The following ORC1 variants were observed in gnomAD, a reference collection of about 807,000 sequenced individuals.
ORC1 encodes origin recognition complex, subunit 1 homolog.
Under a neutral mutation model 98.9 loss-of-function variants are expected in ORC1, and 61 were observed. The observed-to-expected ratio is 0.62, with a 90% CI of 0.50 to 0.76. The LOEUF is 0.76. ORC1 is among the 30% of genes least tolerant of loss of function. ORC1 has a pLI of 0.00. For synonymous variants in ORC1, 385 were observed against 406.9 expected (o/e 0.95, Z 0.65); for missense variants, 979 against 1,072.2 (o/e 0.91, Z 1.21).
chr1:52,402,795 A>G (rs566913707), intron 1 of ORC1, among the ~76,000 whole-genome samples: 11 of 152,284 alleles, frequency 7.2e-5, no homozygotes, highest in African/African-American at 2.4e-4. Flanking sequence ...TCAGGTGGGC[A>G]TGGTGGCAGG....
At chr1:52,396,413 G>A (rs745992964) in intron 4 of ORC1, 49 bp from the exon 5 acceptor site, 14 of 1,611,596 alleles carry the variant, frequency 8.7e-6, no homozygotes, top group Admixed American at 3.3e-5. Context: ...CCCCAAGAGA[G>A]CCAAGGAGTA....
chr1:52,380,651 C>T (rs939925668), intron 14 of ORC1, among the ~76,000 whole-genome samples: 3 of 150,796 alleles, frequency 2.0e-5, no homozygotes, highest in South Asian at 4.2e-4. Flanking sequence ...GCTGAGATCA[C>T]GCCACTGCAC....
At chr1:52,386,145 T>C (rs1457747384) in intron 8 of ORC1, among the ~76,000 whole-genome samples, 196 bp from the exon 9 acceptor site, 19 of 152,188 alleles carry the variant, frequency 1.2e-4, no homozygotes, top group Admixed American at 1.2e-3. Context: ...CGTCCAAATA[T>C]GGTTTCTTTT....
chr1:52,403,225 T>C (rs540199570), intron 1 of ORC1, among the ~76,000 whole-genome samples: 1 of 152,386 alleles, frequency 6.6e-6, no homozygotes, highest in East Asian at 1.9e-4. Flanking sequence ...GTACCCATCG[T>C]GTGCCAGGCA....
At chr1:52,408,110 G>C (rs990478454), upstream of ORC1, among the ~76,000 whole-genome samples, 1 of 151,440 alleles carries the variant, frequency 6.6e-6, no homozygotes, top group Non-Finnish European at 1.5e-5. Flanking sequence ...GCATGGTGGC[G>C]GGCGCCTGTA....
intron 3 of ORC1, 64 bp downstream of exon 3, chr1:52,401,298 C>A (rs937846835): frequency 2.5e-6 from 4 of 1,604,070 alleles, no homozygotes; most frequent in Non-Finnish European, 3.4e-6. Context: ...AAAGAATCCA[C>A]AATCTCCCCA....
At position 52,396,050 on chromosome 1, in the gene ORC1, A is replaced by G. The variant is rs1647377054; in HGVS notation, c.717T>C (p.Leu239=). ...GTGATCCATTCCACAACTTACTGCC[A>G]AGCTCCAGCCTCTTTCTGGCTCTTG... ...LTPRARKRLE[L]GNLGNPQMSQ... is the part of the protein sequence containing the mutation. The change falls in exon 5 of 17, where the codon CTT becomes CTC. Residue 239 remains leucine (L), a synonymous_variant. Transcript: ENST00000371568. 6.2e-7 allele frequency: 1 copy of G among 1,614,060 alleles called. No homozygotes were observed. The highest frequency in any genetic ancestry group is 1.1e-5 in the South Asian group (1 of 91,090).
At chr1:52,405,416 T>C (rs566764081), upstream of ORC1, among the ~76,000 whole-genome samples, 1 of 152,336 alleles carries the variant, frequency 6.6e-6, no homozygotes, top group African/African-American at 2.4e-5. Flanking sequence ...TTTCCTTACC[T>C]GGAAATAAGA....
At position 52,397,740 on chromosome 1, in the gene ORC1, T is replaced by C. The variant is rs146519429; in HGVS notation, c.347A>G (p.Asp116Gly). The C allele has an allele frequency of 1.2e-6, 2 of 1,614,188 alleles. No individual in the cohort carries two copies. The highest frequency in any genetic ancestry group is 1.7e-5 in the Admixed American group (1 of 60,028). The change falls in exon 4 of 17, where the codon GAT (aspartate) becomes GGT (glycine). Residue 116 changes from aspartate (D) to glycine (G), a missense_variant. Transcript: ENST00000371568. ...KPGAQEIFWYDYPACDSNINA... is the reference protein window; with the variant it reads ...KPGAQEIFWYGYPACDSNINA... ...AATGTTGCTGTCACAGGCCGGGTAA[T>C]CATACCAGAATATTTCCTGTGCACC...
At chr1:52,407,023 C>CT (rs1000470514), upstream of ORC1, among the ~76,000 whole-genome samples, 17 of 151,956 alleles carry the variant, frequency 1.1e-4, no homozygotes, top group Admixed American at 5.9e-4. Flanking sequence ...AGGAACAACT[C>CT]TTTTTTTTGT....
chr1:52,386,861 G>A (rs147387751), intron 8 of ORC1, among the ~76,000 whole-genome samples: 700 of 152,204 alleles, frequency 4.6e-3, no homozygotes, highest in African/African-American at 0.016. Context: ...TGAGGTGGAA[G>A]GATCGCTTGA....
Position 52,373,199 on chromosome 1 carries a change from A to G in ORC1, c.2568T>C (p.Tyr856=), listed in dbSNP as rs1476680511. The stretch of plus-strand genomic sequence containing the variant: ...AGCCCCTTTACTCGTCTTTCAGCGC[A>G]TACAGCACATCATCCTGGCTGACGT... The part of the protein sequence containing the change: ...RLNVSQDDVL[Y]ALKDE Residue 856 remains tyrosine (Y), a synonymous_variant, in exon 17 of 17, where the codon TAT becomes TAC. Transcript: ENST00000371568. 5.6e-6 allele frequency: 9 copies of G among 1,614,052 alleles called. No individual in the cohort carries two copies. Among genetic ancestry groups the G allele is most frequent in the East Asian group, 2.2e-5 (1 of 44,894 alleles).
chr1:52,387,035 C>A (rs932429231), intron 8 of ORC1, among the ~76,000 whole-genome samples: 1 of 152,188 alleles, frequency 6.6e-6, no homozygotes, highest in African/African-American at 2.4e-5. Flanking sequence ...GAGAAGGTAT[C>A]AAGAAACCTG....
At chr1:52,399,826 C>G (rs1230055262) in intron 3 of ORC1, among the ~76,000 whole-genome samples, 2 of 151,724 alleles carry the variant, frequency 1.3e-5, no homozygotes, top group African/African-American at 2.4e-5. Flanking sequence ...CACACACACA[C>G]ACACACACAC....
chr1:52,399,809 T>TCTCA (rs1553148710), intron 3 of ORC1, among the ~76,000 whole-genome samples: 1 of 146,044 alleles, frequency 6.8e-6, no homozygotes, highest in African/African-American at 2.5e-5. Flanking sequence ...TCTGTCACTG[T>TCTCA]CACACACACA....
At chr1:52,402,489 A>G (rs529770396) in intron 1 of ORC1, among the ~76,000 whole-genome samples, 17 of 152,254 alleles carry the variant, frequency 1.1e-4, no homozygotes, top group Non-Finnish European at 1.9e-4. Flanking sequence ...AGAAAGGTCA[A>G]TTCCTAAGAA....
intron 1 of ORC1, among the ~76,000 whole-genome samples, chr1:52,402,669 C>T (rs1302641128): frequency 2.0e-5 from 3 of 152,226 alleles, no homozygotes; most frequent in Non-Finnish European, 2.9e-5. Flanking sequence ...CGCAGTGGCT[C>T]ACGCCTGTAA....
Position 52,396,340 on chromosome 1 carries a change from C to A in ORC1, c.427G>T (p.Val143Leu). The change falls in exon 5 of 17, where the codon GTG becomes TTG. Residue 143 changes from valine (V) to leucine (L), a missense_variant. Coordinates refer to ENST00000371568, the MANE Select transcript of ORC1 (RefSeq NM_004153.4). ...VRVIPLAPKD[V>L]VPTNLKNEKT... is the part of the protein sequence containing the mutation. ...TCATTTTTCAGATTCGTCGGTACCA[C>A]ATCCTTTGGGGCTAAAGGTATCACC... 1 of 1,614,120 alleles carries A rather than the reference C, an allele frequency of 6.2e-7. No homozygotes were observed. Among genetic ancestry groups the A allele is most frequent in the Non-Finnish European group, 8.5e-7 (1 of 1,180,010 alleles).
chr1:52,373,246 G>T lies in ORC1; in HGVS notation c.2521C>A (p.Leu841Met). The T allele has an allele frequency of 6.2e-7, 1 of 1,614,224 alleles. No homozygotes were observed. Among genetic ancestry groups the T allele is most frequent in the Non-Finnish European group, 8.5e-7 (1 of 1,180,048 alleles). ...LLLVEPSRNDLLLRVRLNVSQ... is the reference protein window; with the variant it reads ...LLLVEPSRNDMLLRVRLNVSQ... ...ACGTTGAGCCGCACCCGAAGGAGCA[G>T]ATCGTTCCTGCTGGGCTCCACAAGC... The change falls in exon 17 of 17, where the codon CTG (leucine) becomes ATG (methionine). Residue 841 changes from leucine (L) to methionine (M), a missense_variant. Coordinates refer to ENST00000371568, the MANE Select transcript of ORC1 (RefSeq NM_004153.4).
Sources: allele counts gnomAD v4.1 joint callset (sites outside exome capture counted in the v4.1 genomes callset), GRCh38; gene constraint gnomAD v4.1.1; transcripts MANE v1.5; gene names NCBI Gene and HGNC (gene_info 2026-07-23, HGNC 2026-07-21).